Variants in ATXN7L1 observed in about 807,000 individuals in gnomAD.
ATXN7L1 encodes the protein ataxin 7 like 1.
A neutral mutation model predicts 70.8 loss-of-function variants in ATXN7L1; 15 were observed. The observed-to-expected ratio is 0.21, with a 90% CI of 0.14 to 0.33. The LOEUF (loss-of-function observed/expected upper bound fraction) is 0.33, where lower values mean the gene tolerates loss of function less well. ATXN7L1 is among the 10% of genes least tolerant of loss of function. The probability of loss-of-function intolerance (pLI) is 1.00; values close to 1 mark genes in which losing one functional copy is unlikely to be tolerated. For synonymous variants in ATXN7L1, 440 were observed against 445.1 expected (o/e 0.99, Z 0.14); for missense variants, 975 against 1,097.1 (o/e 0.89, Z 1.57).
intron 4 of ATXN7L1, among the ~76,000 whole-genome samples, chr7:105,651,938 G>A (rs1338243748): frequency 1.3e-5 from 2 of 152,148 alleles, no homozygotes; most frequent in African/African-American, 4.8e-5. Flanking sequence ...AGGCCCCAGC[G>A]CATGTCTCCC....
At chr7:105,745,692 T>C (rs114250550) in intron 3 of ATXN7L1, among the ~76,000 whole-genome samples, 1,809 of 152,314 alleles carry the variant, frequency 0.012, 45 homozygotes, top group African/African-American at 0.042. Context: ...CCCCTTGGCC[T>C]TTGGGACGAT....
intron 2 of ATXN7L1, among the ~76,000 whole-genome samples, chr7:105,840,557 G>A (rs1813056532): frequency 1.3e-5 from 2 of 152,130 alleles, no homozygotes; most frequent in South Asian, 4.1e-4. Context: ...GCCAGAATCT[G>A]AGCAACACCC....
intron 2 of ATXN7L1, among the ~76,000 whole-genome samples, chr7:105,836,199 G>A (rs1320694971): frequency 1.3e-5 from 2 of 152,164 alleles, no homozygotes; most frequent in Non-Finnish European, 2.9e-5. Flanking sequence ...GAAACCCACA[G>A]GAACCCCAAA....
chr7:105,614,034 G>A lies in ATXN7L1; in HGVS notation c.2300C>T (p.Ser767Phe). 6.4e-7 allele frequency: 1 copy of A among 1,551,962 alleles called. No homozygotes were observed. Among genetic ancestry groups the A allele is most frequent in the South Asian group, 1.2e-5 (1 of 84,064 alleles). ...LSLASHNAVS[S>F]LPLSFDKSEG... ...TGATTTGTCAAAAGAGAGGGGCAGA[G>A]AAGACACAGCATTGTGTGAGGCCAG... is the stretch of plus-strand genomic sequence containing the variant. Residue 767 changes from serine to phenylalanine, a missense_variant, in exon 10 of 12, where the codon TCT becomes TTT. This residue lies in a region of ATXN7L1 where 635 missense variants were observed against 699.4 expected (regional missense o/e 0.91). Transcript: ENST00000419735. The surrounding 1 kb of genome is among the most constrained non-coding windows in gnomAD (Gnocchi z 4.3).
intron 4 of ATXN7L1, among the ~76,000 whole-genome samples, chr7:105,652,492 C>T (rs951713295): frequency 3.9e-5 from 6 of 152,190 alleles, no homozygotes; most frequent in South Asian, 2.1e-4. Flanking sequence ...CCAGAACAGG[C>T]TCCGCTCAGG....
intron 3 of ATXN7L1, chr7:105,678,107 TTTCCTTTCTGGCC>T: frequency 5.2e-6 from 4 of 762,390 alleles, no homozygotes; most frequent in Non-Finnish European, 4.8e-6. Context: ...TTTTTTTTTT[TTTCCTTTCTGGCC>T]CCCTTTTCTC....
chr7:105,650,926 G>A (rs1353748841), intron 4 of ATXN7L1, among the ~76,000 whole-genome samples: 1 of 152,256 alleles, frequency 6.6e-6, no homozygotes, highest in Non-Finnish European at 1.5e-5. Flanking sequence ...TTTATAGAAT[G>A]TGGAGTGTTG....
chr7:105,671,422 T>C (rs1212402325), intron 3 of ATXN7L1, among the ~76,000 whole-genome samples: 1 of 152,140 alleles, frequency 6.6e-6, no homozygotes, highest in Non-Finnish European at 1.5e-5. Flanking sequence ...CAAACCAATC[T>C]ACTGTGCTAA....
chr7:105,756,802 C>T lies in ATXN7L1; in HGVS notation c.355+31802G>A, dbSNP rs528878576. On this transcript the variant is annotated intron_variant, in intron 3 of 11. Transcript: ENST00000419735. ...GCTAATAAAGAACTCATTCACTTAA[C>T]GGTGATGACCTCCAGGTACCTGCAG... Among the ~76,000 whole-genome samples, 13 of 152,238 alleles carry T rather than the reference C, an allele frequency of 8.5e-5. No individual in the cohort carries two copies. The South Asian group carries it at 2.5e-3, about 29-fold the overall frequency.
chr7:105,813,805 ATCTC>A (rs890044507), intron 2 of ATXN7L1, among the ~76,000 whole-genome samples: 3 of 151,356 alleles, frequency 2.0e-5, no homozygotes, highest in Non-Finnish European at 4.4e-5. Context: ...AAGCAATTCT[ATCTC>A]TCTCTCTCTT....
intron 2 of ATXN7L1, among the ~76,000 whole-genome samples, chr7:105,791,713 A>G (rs1306685748): frequency 6.6e-6 from 1 of 152,214 alleles, no homozygotes; most frequent in Non-Finnish European, 1.5e-5. Context: ...TTTCGACTTA[A>G]AGTCACATTT....
intron 2 of ATXN7L1, among the ~76,000 whole-genome samples, chr7:105,788,969 G>A (rs772637556): frequency 2.0e-5 from 3 of 152,196 alleles, no homozygotes; most frequent in Non-Finnish European, 4.4e-5. Flanking sequence ...GTGTCGAGGG[G>A]CTGCTCTGAG....
chr7:105,727,450 C>T (rs1371249421), intron 3 of ATXN7L1, among the ~76,000 whole-genome samples: 10 of 151,834 alleles, frequency 6.6e-5, no homozygotes, highest in African/African-American at 1.9e-4. Context: ...GCGTGGATCA[C>T]GTGAGGTCAG....
intron 2 of ATXN7L1, among the ~76,000 whole-genome samples, chr7:105,867,192 C>T (rs978274245): frequency 1.3e-5 from 2 of 152,150 alleles, no homozygotes; most frequent in African/African-American, 4.8e-5. Context: ...ATCAGACCCT[C>T]CCCTGCCCTT....
chr7:105,858,352 C>T (rs1450882827), intron 2 of ATXN7L1, among the ~76,000 whole-genome samples: 1 of 152,112 alleles, frequency 6.6e-6, no homozygotes, highest in East Asian at 1.9e-4. Flanking sequence ...ATAGTTCATC[C>T]CCTGTTGATG....
At chr7:105,857,386 T>A (rs1303235980) in intron 2 of ATXN7L1, among the ~76,000 whole-genome samples, 1 of 152,188 alleles carries the variant, frequency 6.6e-6, no homozygotes, top group Non-Finnish European at 1.5e-5. Flanking sequence ...ACATCAGAGT[T>A]CCCAGGTGCT....
At chr7:105,776,828 G>C (rs764348958) in intron 3 of ATXN7L1, among the ~76,000 whole-genome samples, 2 of 152,052 alleles carry the variant, frequency 1.3e-5, no homozygotes, top group Non-Finnish European at 2.9e-5. Flanking sequence ...GGAATGCAGT[G>C]GCACAATCTT....
At position 105,785,327 on chromosome 7, in the gene ATXN7L1, G is replaced by A. The variant is rs1197089371; in HGVS notation, c.355+3277C>T. 2.0e-5 allele frequency among the ~76,000 whole-genome samples: 3 copies of A among 152,174 alleles called. No homozygotes were observed. In the East Asian group the frequency reaches 5.8e-4, roughly 29 times the overall value. On this transcript the variant is annotated intron_variant, in intron 3 of 11. Coordinates refer to ENST00000419735, the MANE Select transcript of ATXN7L1 (RefSeq NM_020725.2). ...CTAAAAATACAAAAATTAGCCAAGTGTGGTGGCGGGCACCTGTAGTTCCAG... is the reference window on the plus strand; with the variant it reads ...CTAAAAATACAAAAATTAGCCAAGTATGGTGGCGGGCACCTGTAGTTCCAG...
chr7:105,824,151 CAG>C (rs1420062878), intron 2 of ATXN7L1, among the ~76,000 whole-genome samples: 1 of 152,154 alleles, frequency 6.6e-6, no homozygotes, highest in African/African-American at 2.4e-5. Context: ...TCTGAAAAAA[CAG>C]AGAGGAATTC....
Sources: gnomAD v4.1 joint callset for allele counts (sites outside exome capture counted in the v4.1 genomes callset) on GRCh38, gnomAD v4.1.1 for gene constraint, gnomAD v4.1.1 regional missense constraint, Gnocchi (gnomAD v3.1) non-coding constraint, MANE v1.5 for transcripts, NCBI Gene and HGNC (gene_info 2026-07-23, HGNC 2026-07-21) for gene names.